EIF4G3: variants seen among roughly 807,000 people sequenced by gnomAD.
EIF4G3 encodes the protein eIF-4-gamma 3.
Under a neutral mutation model 186.4 loss-of-function variants are expected in EIF4G3, and 34 were observed. The ratio of observed to expected loss-of-function variants is 0.18; its 90% CI spans 0.14 to 0.24. EIF4G3 has a LOEUF of 0.24. EIF4G3 is among the 10% of genes least tolerant of loss of function. The pLI, the probability that EIF4G3 is intolerant of heterozygous loss-of-function variation, is 1.00. For synonymous variants in EIF4G3, 673 were observed against 679.5 expected (o/e 0.99, Z 0.15); for missense variants, 1,536 against 1,948.5 (o/e 0.79, Z 3.99).
chr1:21,077,320 A>G (rs962527351), intron 3 of EIF4G3, among the ~76,000 whole-genome samples: 1 of 151,794 alleles, frequency 6.6e-6, no homozygotes, highest in Admixed American at 6.6e-5. Flanking sequence ...AGGATCACTC[A>G]AGCCCAGGAT....
At chr1:20,814,527 A>G (rs953280159) in intron 34 of EIF4G3, among the ~76,000 whole-genome samples, 1 of 152,082 alleles carries the variant, frequency 6.6e-6, no homozygotes, top group South Asian at 2.1e-4. Context: ...CTATGAAAGA[A>G]CAACACCACA....
chr1:20,855,109 A>C (rs1571709737), intron 25 of EIF4G3, 38 bp from the exon 26 acceptor site: 1 of 1,439,740 alleles, frequency 6.9e-7, no homozygotes, highest in Non-Finnish European at 9.6e-7. Flanking sequence ...TATAGGAAAT[A>C]TTCTAGAAGA....
intron 4 of EIF4G3, among the ~76,000 whole-genome samples, chr1:21,042,384 T>C (rs1163702748): frequency 6.6e-6 from 1 of 152,222 alleles, no homozygotes; most frequent in Non-Finnish European, 1.5e-5. Flanking sequence ...TAATCTCTCT[T>C]TACTATTCAT....
intron 2 of EIF4G3, among the ~76,000 whole-genome samples, chr1:21,143,233 A>T (rs978085565): frequency 6.6e-6 from 1 of 151,526 alleles, no homozygotes; most frequent in South Asian, 2.1e-4. Flanking sequence ...TGGGCGACAA[A>T]GTGAGAATTC....
intron 11 of EIF4G3, among the ~76,000 whole-genome samples, chr1:20,971,439 T>G (rs761298487): frequency 9.9e-5 from 15 of 152,224 alleles, no homozygotes; most frequent in Non-Finnish European, 1.9e-4. Flanking sequence ...TTTCATTTCT[T>G]CTATTCATTT....
chr1:20,960,287 G>A (rs574114662), intron 12 of EIF4G3, among the ~76,000 whole-genome samples: 3 of 152,158 alleles, frequency 2.0e-5, no homozygotes, highest in African/African-American at 4.8e-5. Context: ...GCCAACAGGC[G>A]AAACCCTGTC....
At chr1:21,170,036 G>A (rs752490181) in intron 2 of EIF4G3, among the ~76,000 whole-genome samples, 11 of 152,182 alleles carry the variant, frequency 7.2e-5, no homozygotes, top group East Asian at 1.9e-4. Flanking sequence ...TTAGCCAGGC[G>A]TGGTGGTGCA....
chr1:20,980,529 C>T, intron 9 of EIF4G3, 81 bp from the exon 10 acceptor site: 1 of 960,118 alleles, frequency 1.0e-6, no homozygotes, highest in Non-Finnish European at 1.5e-6. Context: ...AAGAAAGTAG[C>T]TTACTACAGA....
intron 2 of EIF4G3, among the ~76,000 whole-genome samples, chr1:21,145,949 C>G (rs2097433160): frequency 6.6e-6 from 1 of 151,878 alleles, no homozygotes; most frequent in Non-Finnish European, 1.5e-5. Context: ...TTTTAATTAG[C>G]TGATTGTGGT....
At chr1:20,983,227 C>T (rs2078682740) in intron 7 of EIF4G3, among the ~76,000 whole-genome samples, 1 of 152,066 alleles carries the variant, frequency 6.6e-6, no homozygotes, top group Admixed American at 6.5e-5. Flanking sequence ...AGAAAAACAA[C>T]AGCCAGAAAG....
intron 4 of EIF4G3, among the ~76,000 whole-genome samples, chr1:21,006,956 A>G (rs117882302): frequency 2.0e-5 from 3 of 152,242 alleles, no homozygotes; most frequent in Non-Finnish European, 2.9e-5. Flanking sequence ...TACTTTACAT[A>G]TAAGTCAGAG....
chr1:20,817,325 G>T, intron 34 of EIF4G3, 67 bp downstream of exon 34: 1 of 1,101,144 alleles, frequency 9.1e-7, no homozygotes, highest in Non-Finnish European at 1.2e-6. Flanking sequence ...ATAGGTAAGC[G>T]AATTAAGGGG....
At chr1:20,878,281 T>C (rs1252985749) in intron 20 of EIF4G3, among the ~76,000 whole-genome samples, 1 of 152,212 alleles carries the variant, frequency 6.6e-6, no homozygotes, top group African/African-American at 2.4e-5. Context: ...CAAATGTGTA[T>C]TCCCCATTGT....
At chr1:21,116,007 A>G (rs752244693) in intron 2 of EIF4G3, among the ~76,000 whole-genome samples, 1 of 152,144 alleles carries the variant, frequency 6.6e-6, no homozygotes, top group Non-Finnish European at 1.5e-5. Context: ...TACAGGTGTG[A>G]GCCACTGTGC....
At chr1:21,103,246 C>T (rs140163929) in intron 2 of EIF4G3, among the ~76,000 whole-genome samples, 75 of 152,208 alleles carry the variant, frequency 4.9e-4, no homozygotes, top group Middle Eastern at 3.4e-3. Context: ...TATTCACTTT[C>T]CCTGTCCCTC....
In EIF4G3 at chr1:20,904,794, GA is replaced by G. The variant is rs1189096716; in HGVS notation, c.1752+88del. ...AGCTTGATATATTAAGTTTTGCTTGGAAAACTATTTCAATAAATAGGTATAA... is the reference window on the plus strand; with the variant it reads ...AGCTTGATATATTAAGTTTTGCTTGGAAACTATTTCAATAAATAGGTATAA... On this transcript the variant is annotated intron_variant, in intron 15 of 36. Transcript: ENST00000602326. 4.6e-6 allele frequency: 4 copies of G among 878,950 alleles called. No individual in the cohort carries two copies. In the African/African-American group the frequency reaches 5.2e-5, roughly 11 times the overall value. The allele number at this position is 878,950 out of a possible 1,614,324, so 54.4% of individuals were successfully genotyped here.
At chr1:20,910,938 C>T (rs2093092532) in intron 14 of EIF4G3, among the ~76,000 whole-genome samples, 1 of 152,150 alleles carries the variant, frequency 6.6e-6, no homozygotes, top group African/African-American at 2.4e-5. Context: ...AGTGGTTTCT[C>T]TTTGTTCTTC....
intron 4 of EIF4G3, among the ~76,000 whole-genome samples, chr1:21,041,579 G>T (rs190879312): frequency 7.2e-5 from 11 of 152,346 alleles, no homozygotes; most frequent in African/African-American, 1.9e-4. Flanking sequence ...AGAGTAGTAA[G>T]ATGTGGAGTA....
intron 20 of EIF4G3, among the ~76,000 whole-genome samples, chr1:20,868,085 A>ATTTTTTTTTTTTTTTT (rs1553236764): frequency 2.7e-4 from 4 of 14,634 alleles, no homozygotes; most frequent in African/African-American, 4.4e-4. Context: ...ATTCATGGTG[A>ATTTTTTTTTTTTTTTT]TTTTCTTTTT....
Sources: allele counts gnomAD v4.1 joint callset (sites outside exome capture counted in the v4.1 genomes callset), GRCh38; gene constraint gnomAD v4.1.1; transcripts MANE v1.5; gene names NCBI Gene and HGNC (gene_info 2026-07-23, HGNC 2026-07-21).